CBLN2: variants seen among roughly 807,000 people sequenced by gnomAD.
The protein encoded by CBLN2 is cerebellin 2 precursor, also known as cerebellin-2.
In CBLN2, 7 loss-of-function variants were observed where a neutral mutation model predicts 15.0. The ratio of observed to expected loss-of-function variants is 0.47; its 90% confidence interval spans 0.27 to 0.88. The LOEUF is 0.88. Among genes scored for constraint, CBLN2 ranks in the 40% least tolerant of loss-of-function variants. The probability of loss-of-function intolerance (pLI) is 0.14; values close to 1 mark genes in which losing one functional copy is unlikely to be tolerated. For synonymous variants in CBLN2, 149 were observed against 135.2 expected (o/e 1.10, Z -0.71); for missense variants, 242 against 304.5 (o/e 0.79, Z 1.53).
intron 1 of CBLN2, among the ~76,000 whole-genome samples, chr18:72,632,742 A>T (rs1185492266): frequency 6.6e-6 from 1 of 152,174 alleles, no homozygotes; most frequent in Non-Finnish European, 1.5e-5. Context: ...ATAGACTGGT[A>T]TTCAGATTCA....
chr18:72,542,177 C>G lies in CBLN2; in HGVS notation c.-17G>C, dbSNP rs1004475481. On this transcript the variant is annotated 5_prime_UTR_variant, in exon 3 of 5. Coordinates refer to ENST00000269503, the MANE Select transcript of CBLN2 (RefSeq NM_182511.4). ...CGCCTGCATCGGGACTGGTGGGAGG[C>G]GGCGCGCGGGGGTGGAGGCCGGCGC... 8.2e-7 allele frequency: 1 copy of G among 1,215,416 alleles called. No individual in the cohort carries two copies. Among genetic ancestry groups the G allele is most frequent in the South Asian group, 4.1e-5 (1 of 24,556 alleles). 75.3% of individuals were successfully genotyped at this position (1,215,416 alleles called of 1,614,324 possible). A position where few individuals can be genotyped will look rare whatever the true frequency, so the allele number is the denominator to read the frequency against.
At chr18:72,633,495 C>A (rs140154906) in intron 1 of CBLN2, among the ~76,000 whole-genome samples, 1 of 152,274 alleles carries the variant, frequency 6.6e-6, no homozygotes, top group African/African-American at 2.4e-5. Context: ...CAGCTTATTA[C>A]TGTATCTATA....
At chr18:72,553,297 G>A (rs73478237) in intron 1 of CBLN2, among the ~76,000 whole-genome samples, 370 of 152,292 alleles carry the variant, frequency 2.4e-3, no homozygotes, top group African/African-American at 8.5e-3. Flanking sequence ...CGTGTGGAGT[G>A]GGAATCTGCC....
chr18:72,609,975 C>T (rs1285144287), intron 1 of CBLN2, among the ~76,000 whole-genome samples: 1 of 152,144 alleles, frequency 6.6e-6, no homozygotes, highest in Non-Finnish European at 1.5e-5. Context: ...TCGCTGCCAT[C>T]CTGTGTGTAC....
intron 1 of CBLN2, among the ~76,000 whole-genome samples, chr18:72,591,485 A>T (rs765148917): frequency 3.3e-5 from 5 of 152,164 alleles, no homozygotes; most frequent in Non-Finnish European, 7.4e-5. Flanking sequence ...GCATTTAACT[A>T]TTCTTTGTGT....
At chr18:72,625,818 C>A (rs71372409) in intron 1 of CBLN2, among the ~76,000 whole-genome samples, 27,043 of 55,560 alleles carry the variant, frequency 0.49, 6,260 homozygotes, top group Non-Finnish European at 0.59. Flanking sequence ...CTCTCTCTCT[C>A]TATATATATA....
At chr18:72,580,789 C>A (rs2069397808) in intron 1 of CBLN2, among the ~76,000 whole-genome samples, 1 of 152,128 alleles carries the variant, frequency 6.6e-6, no homozygotes, top group Non-Finnish European at 1.5e-5. Flanking sequence ...AATAATGACC[C>A]TATGAACATT....
chr18:72,610,531 C>A, intron 1 of CBLN2, among the ~76,000 whole-genome samples: 1 of 152,070 alleles, frequency 6.6e-6, no homozygotes, highest in East Asian at 1.9e-4. Flanking sequence ...TTGGAATGTA[C>A]ACTACATGAG....
At chr18:72,569,725 A>G (rs1380189920) in intron 1 of CBLN2, among the ~76,000 whole-genome samples, 2 of 152,122 alleles carry the variant, frequency 1.3e-5, no homozygotes, top group African/African-American at 4.8e-5. Flanking sequence ...ATCTCGTGTG[A>G]ACTACCAGAG....
intron 1 of CBLN2, among the ~76,000 whole-genome samples, chr18:72,608,317 T>C (rs1599021186): frequency 6.6e-6 from 1 of 152,112 alleles, no homozygotes. Flanking sequence ...GAGTCAGAAG[T>C]TCCTGTCTTT....
At chr18:72,555,323 G>C (rs772114952) in intron 1 of CBLN2, among the ~76,000 whole-genome samples, 1 of 152,100 alleles carries the variant, frequency 6.6e-6, no homozygotes, top group Non-Finnish European at 1.5e-5. Context: ...TCAAAAGTCT[G>C]TCGTGGTTGC....
chr18:72,622,139 G>A (rs911949073), intron 1 of CBLN2, among the ~76,000 whole-genome samples: 2 of 152,014 alleles, frequency 1.3e-5, no homozygotes, highest in Admixed American at 6.6e-5. Flanking sequence ...ATTTTTAAAC[G>A]AAATATTTTT....
At chr18:72,598,607 C>A (rs2069527917) in intron 1 of CBLN2, among the ~76,000 whole-genome samples, 2 of 152,188 alleles carry the variant, frequency 1.3e-5, no homozygotes, top group Non-Finnish European at 2.9e-5. Flanking sequence ...GCTTTGAGCC[C>A]AGTTCAGCAC....
At chr18:72,621,156 G>A (rs2069698133) in intron 1 of CBLN2, among the ~76,000 whole-genome samples, 1 of 152,170 alleles carries the variant, frequency 6.6e-6, no homozygotes, top group Non-Finnish European at 1.5e-5. Flanking sequence ...CAACAGCACT[G>A]TAGCGTTATG....
chr18:72,574,440 G>A (rs890441160), intron 1 of CBLN2, among the ~76,000 whole-genome samples: 1 of 152,106 alleles, frequency 6.6e-6, no homozygotes, highest in Non-Finnish European at 1.5e-5. Flanking sequence ...CAAAGAAATC[G>A]GGTGGCACCA....
intron 1 of CBLN2, among the ~76,000 whole-genome samples, chr18:72,553,581 T>C (rs2069205234): frequency 6.6e-6 from 1 of 152,188 alleles, no homozygotes; most frequent in African/African-American, 2.4e-5. Flanking sequence ...AAACCTTACT[T>C]TAAATAAATA....
chr18:72,556,528 G>T (rs1002190446), intron 1 of CBLN2, among the ~76,000 whole-genome samples: 2 of 152,182 alleles, frequency 1.3e-5, no homozygotes, highest in Non-Finnish European at 2.9e-5. Flanking sequence ...CACTTAGAAG[G>T]CCTGTTGCCT....
chr18:72,583,629 A>G (rs1453218214), intron 1 of CBLN2, among the ~76,000 whole-genome samples: 1 of 152,250 alleles, frequency 6.6e-6, no homozygotes, highest in Non-Finnish European at 1.5e-5. Context: ...AAAAATATAT[A>G]TACCAGAAGC....
At chr18:72,588,896 G>A (rs527886485) in intron 1 of CBLN2, among the ~76,000 whole-genome samples, 2 of 152,324 alleles carry the variant, frequency 1.3e-5, no homozygotes, top group South Asian at 4.1e-4. Context: ...TTGGAAGGCA[G>A]GAAGGAAAAG....
Sources: gnomAD v4.1 joint callset for allele counts (sites outside exome capture counted in the v4.1 genomes callset) on GRCh38, gnomAD v4.1.1 for gene constraint, MANE v1.5 for transcripts, NCBI Gene and HGNC (gene_info 2026-07-23, HGNC 2026-07-21) for gene names.